The following MFAP3L variants were observed in gnomAD, a reference collection of about 807,000 sequenced individuals.
MFAP3L encodes microfibrillar-associated protein 3-like.
MFAP3L carries 5 observed loss-of-function variants against 20.0 expected under a neutral mutation model. The ratio of observed to expected loss-of-function variants is 0.25; its 90% CI spans 0.13 to 0.53. The LOEUF is 0.53. MFAP3L is among the 20% of genes least tolerant of loss of function. The probability of loss-of-function intolerance (pLI) is 0.96; values close to 1 mark genes in which losing one functional copy is unlikely to be tolerated. For synonymous variants in MFAP3L, 219 were observed against 213.0 expected (o/e 1.03, Z -0.25); for missense variants, 409 against 527.5 (o/e 0.78, Z 2.20).
intron 2 of MFAP3L, among the ~76,000 whole-genome samples, chr4:169,995,889 A>G (rs78813531): frequency 0.054 from 8,224 of 152,218 alleles, 782 homozygotes; most frequent in African/African-American, 0.19. Context: ...TGATTTTGGA[A>G]GAAACAACAT....
At chr4:170,016,867 G>A (rs1739731080) in intron 1 of MFAP3L, among the ~76,000 whole-genome samples, 1 of 152,218 alleles carries the variant, frequency 6.6e-6, no homozygotes, top group Non-Finnish European at 1.5e-5. Flanking sequence ...TTTGCTTACA[G>A]TGGAATTTGA....
chr4:169,998,454 AGT>A (rs760178121), intron 2 of MFAP3L, among the ~76,000 whole-genome samples: 4 of 152,256 alleles, frequency 2.6e-5, no homozygotes, highest in Non-Finnish European at 5.9e-5. Flanking sequence ...TCACAGGGAA[AGT>A]GAGAGCACAA....
At chr4:170,002,586 T>G (rs749490577) in intron 2 of MFAP3L, among the ~76,000 whole-genome samples, 1 of 152,058 alleles carries the variant, frequency 6.6e-6, no homozygotes, top group Non-Finnish European at 1.5e-5. Context: ...CTCAGCTCAC[T>G]GCAACCTCTG....
rs915461931 is a variant in MFAP3L, at chr4:170,002,063, C to T, written c.298+3517G>A. The T allele has an allele frequency of 1.3e-5, 13 of 985,304 alleles. No homozygotes were observed. The East Asian group carries it at 3.4e-4, about 26-fold the overall frequency. The allele number at this position is 985,304 out of a possible 1,614,324, so 61.0% of individuals were successfully genotyped here. A position where few individuals can be genotyped will look rare whatever the true frequency, so the allele number is the denominator to read the frequency against. Reference sequence around the variant, plus strand: ...GAGTGACTCACCGATGATTTTTGAACGCCTTTTTGTGCATGTGCATGCCAT... The same window carrying T: ...GAGTGACTCACCGATGATTTTTGAATGCCTTTTTGTGCATGTGCATGCCAT... On this transcript the variant is annotated intron_variant, in intron 2 of 2. Transcript: ENST00000361618.
intron 1 of MFAP3L, among the ~76,000 whole-genome samples, chr4:170,017,157 A>G (rs1156553375): frequency 3.3e-5 from 5 of 152,148 alleles, no homozygotes; most frequent in Admixed American, 3.3e-4. Context: ...ATAACTGGAG[A>G]GGGTAGTTAA....
At chr4:170,001,147 C>T (rs772452839) in intron 2 of MFAP3L, among the ~76,000 whole-genome samples, 19 of 152,138 alleles carry the variant, frequency 1.2e-4, no homozygotes, top group Non-Finnish European at 1.8e-4. Flanking sequence ...CTGTGGACAC[C>T]GACCTATTGA....
chr4:169,997,807 T>C (rs1738298015), intron 2 of MFAP3L: 3 of 979,064 alleles, frequency 3.1e-6, no homozygotes, highest in East Asian at 2.3e-4. Flanking sequence ...TAATTCTTTT[T>C]TTTTTTTTTT....
In MFAP3L at chr4:170,006,813, C is replaced by T. The variant is rs180779857; in HGVS notation, c.-133-803G>A. On this transcript the variant is annotated intron_variant, in intron 1 of 2. Coordinates refer to ENST00000361618, the MANE Select transcript of MFAP3L (RefSeq NM_021647.8). ...TACCCATTATAGCTTCCAGAATGCTCCTTACTGTCTCATTCAACTTCCCAT... is the reference window on the plus strand; with the variant it reads ...TACCCATTATAGCTTCCAGAATGCTTCTTACTGTCTCATTCAACTTCCCAT... 5.9e-5 allele frequency: 9 copies of T among 152,352 alleles called. No individual in the cohort carries two copies. The East Asian group carries it at 1.7e-3, about 29-fold the overall frequency. 9.4% of individuals were successfully genotyped at this position (152,352 alleles called of 1,614,324 possible).
rs548284681 is a variant in MFAP3L at position 170,017,244 on chromosome 4, C to T, written c.-134+8990G>A. ...CATCGTGAACACTTCCCTGAATCTC[C>T]CACATAAAGTGTCATTATAGGCTCT... On this transcript the variant is annotated intron_variant, in intron 1 of 2. Coordinates refer to ENST00000361618, the MANE Select transcript of MFAP3L (RefSeq NM_021647.8). Among the ~76,000 whole-genome samples the T allele has an allele frequency of 5.3e-5, 8 of 152,218 alleles. No homozygotes were observed. In the East Asian group the frequency reaches 1.2e-3, roughly 22 times the overall value.
chr4:170,015,782 C>G (rs773554144), intron 1 of MFAP3L, among the ~76,000 whole-genome samples: 18 of 152,132 alleles, frequency 1.2e-4, no homozygotes, highest in Non-Finnish European at 1.9e-4. Context: ...GGAGTGAAGC[C>G]TGAGCCTCAC....
Position 170,026,356 on chromosome 4 carries a change from C to T in MFAP3L, c.-256G>A. The T allele has an allele frequency of 4.4e-6, 4 of 899,376 alleles. No homozygotes were observed. Among genetic ancestry groups the T allele is most frequent in the Non-Finnish European group, 5.3e-6 (4 of 752,430 alleles). 55.7% of individuals were successfully genotyped at this position (899,376 alleles called of 1,614,324 possible). A position where few individuals can be genotyped will look rare whatever the true frequency, so the allele number is the denominator to read the frequency against. On this transcript the variant is annotated 5_prime_UTR_variant, in exon 1 of 3. Coordinates refer to ENST00000361618, the MANE Select transcript of MFAP3L (RefSeq NM_021647.8). ...AGCGCCTACTGCGGGCGAGCCGCCT[C>T]CGCCGGCGCCTCACAGCGTTGCGAG...
At chr4:169,993,850 T>C (rs1020238883) in intron 2 of MFAP3L, 3 of 152,222 alleles carry the variant, frequency 2.0e-5, no homozygotes, top group Non-Finnish European at 2.9e-5. Flanking sequence ...TTGGAAAATC[T>C]AGTGAATTTT....
intron 2 of MFAP3L, among the ~76,000 whole-genome samples, chr4:170,001,542 G>C (rs758703864): frequency 1.3e-5 from 2 of 152,154 alleles, no homozygotes; most frequent in Non-Finnish European, 2.9e-5. Context: ...TGAAATCCTC[G>C]TTACTTATCT....
chr4:169,992,430 T>G lies in MFAP3L; in HGVS notation c.299-121A>C. 2 of 861,786 alleles carry G rather than the reference T, an allele frequency of 2.3e-6. No homozygotes were observed. Among genetic ancestry groups the G allele is most frequent in the Non-Finnish European group, 3.6e-6 (2 of 560,832 alleles). The allele number at this position is 861,786 out of a possible 1,614,324, so 53.4% of individuals were successfully genotyped here. A position where few individuals can be genotyped will look rare whatever the true frequency, so the allele number is the denominator to read the frequency against. On this transcript the variant is annotated intron_variant, in intron 2 of 2. Transcript: ENST00000361618. This position sits in a 1 kb window ranked among gnomAD's most constrained non-coding sequence, Gnocchi z 4.3. The stretch of plus-strand genomic sequence containing the variant: ...AGAACATCTATGAAGTCTATGAACG[T>G]CGACTTCACATGCTTACTATGCGGC...
chr4:170,000,628 T>C (rs1273074607), intron 2 of MFAP3L, among the ~76,000 whole-genome samples: 1 of 152,158 alleles, frequency 6.6e-6, no homozygotes, highest in Non-Finnish European at 1.5e-5. Flanking sequence ...CTATATAGGG[T>C]TATTCTTCTC....
chr4:170,003,771 G>A (rs1047241784), intron 2 of MFAP3L: 16 of 985,350 alleles, frequency 1.6e-5, no homozygotes, highest in Non-Finnish European at 1.7e-5. Flanking sequence ...CAGCCCTGCA[G>A]AAAGACCTGC....
rs1450385997 is a variant in MFAP3L at position 169,988,133 on chromosome 4, T to C, written c.*3245A>G. On this transcript the variant is annotated 3_prime_UTR_variant, in exon 3 of 3. Transcript: ENST00000361618. ...TAGAGCGATTTCTAGAAGCTATATA[T>C]CACATGTATCACGTTTGGTTCCTAG... 6.6e-6 allele frequency: 1 copy of C among 152,202 alleles called. No individual in the cohort carries two copies. Among genetic ancestry groups the C allele is most frequent in the Non-Finnish European group, 1.5e-5 (1 of 68,024 alleles). 9.4% of individuals were successfully genotyped at this position (152,202 alleles called of 1,614,324 possible).
In MFAP3L at chr4:169,992,036, C is replaced by A; in HGVS notation, c.572G>T (p.Arg191Met). 6.2e-7 allele frequency: 1 copy of A among 1,614,148 alleles called. No homozygotes were observed. The highest frequency in any genetic ancestry group is 8.5e-7 in the Non-Finnish European group (1 of 1,180,026). The change falls in exon 3 of 3, where the codon AGG (arginine) becomes ATG (methionine). Residue 191 changes from arginine (R) to methionine (M), a missense_variant. Physicochemically the swap from Arg to Met is moderately conservative, Grantham distance 91. Coordinates refer to ENST00000361618, the MANE Select transcript of MFAP3L (RefSeq NM_021647.8). This position sits in a 1 kb window ranked among gnomAD's most constrained non-coding sequence, Gnocchi z 4.3. ...CTGCAGCTTCTCTGCACCTTCGGTC[C>A]TAAAGAACTCATTGATGGCCTTCTC... is the stretch of plus-strand genomic sequence containing the variant. The part of the protein sequence containing the change: ...KTEKAINEFF[R>M]TEGAEKLQKA...
intron 1 of MFAP3L, among the ~76,000 whole-genome samples, chr4:170,010,320 A>T (rs1739294573): frequency 6.6e-6 from 1 of 152,214 alleles, no homozygotes; most frequent in African/African-American, 2.4e-5. Context: ...TGAGAACAAA[A>T]TTCTCACTGG....
Sources: gnomAD v4.1 joint callset for allele counts (sites outside exome capture counted in the v4.1 genomes callset) on GRCh38, gnomAD v4.1.1 for gene constraint, Gnocchi (gnomAD v3.1) non-coding constraint, MANE v1.5 for transcripts, NCBI Gene and HGNC (gene_info 2026-07-23, HGNC 2026-07-21) for gene names.